TAFA5: variants seen among roughly 807,000 people sequenced by gnomAD.
TAFA5 encodes the protein TAFA chemokine like family member 5.
In TAFA5, 6 loss-of-function variants were observed where a neutral mutation model predicts 15.3. That is an observed-to-expected ratio of 0.39 (90% CI 0.21 to 0.77). The LOEUF (loss-of-function observed/expected upper bound fraction) is 0.77. TAFA5 is among the 30% of genes least tolerant of loss of function. TAFA5 has a pLI of 0.41. For synonymous variants in TAFA5, 103 were observed against 80.7 expected, an observed-to-expected ratio of 1.28 and a Z score of -1.48; for missense variants, 161 against 193.1, an observed-to-expected ratio of 0.83 and a Z score of 0.98.
intron 2 of TAFA5, among the ~76,000 whole-genome samples, chr22:48,648,117 G>T (rs951711813): frequency 6.6e-6 from 1 of 152,196 alleles, no homozygotes; most frequent in Non-Finnish European, 1.5e-5. Context: ...GTGGCATCCT[G>T]CACTGAAACA....
intron 2 of TAFA5, among the ~76,000 whole-genome samples, chr22:48,703,414 G>A (rs984763912): frequency 7.9e-5 from 12 of 152,160 alleles, no homozygotes; most frequent in Admixed American, 2.6e-4. Context: ...GGTCCTTTCC[G>A]TAGACAGCCA....
chr22:48,747,888 C>G (rs938704680), intron 3 of TAFA5, among the ~76,000 whole-genome samples: 8 of 117,666 alleles, frequency 6.8e-5, no homozygotes, highest in African/African-American at 2.6e-4. Flanking sequence ...CAGAGCAAGA[C>G]TCTGTCTAAA....
At chr22:48,697,165 C>T (rs894825475) in intron 2 of TAFA5, among the ~76,000 whole-genome samples, 1 of 152,284 alleles carries the variant, frequency 6.6e-6, no homozygotes, top group African/African-American at 2.4e-5. Flanking sequence ...GCAGTTAGGG[C>T]TTGCTTTATT....
intron 1 of TAFA5, among the ~76,000 whole-genome samples, chr22:48,615,463 G>C (rs951719463): frequency 6.6e-6 from 1 of 152,172 alleles, no homozygotes; most frequent in Non-Finnish European, 1.5e-5. Flanking sequence ...GATGGGCTTC[G>C]CCTAGCTGTG....
chr22:48,707,488 C>T (rs1011704327), intron 2 of TAFA5, among the ~76,000 whole-genome samples: 1 of 152,162 alleles, frequency 6.6e-6, no homozygotes, highest in South Asian at 2.1e-4. Context: ...TGCTGCTCCA[C>T]GACTGGCCGA....
At chr22:48,546,889 G>A in intron 1 of TAFA5, 1 of 252,732 alleles carries the variant, frequency 4.0e-6, no homozygotes, top group Non-Finnish European at 8.0e-6. Flanking sequence ...ACTACCGACT[G>A]TCTTGACTCC....
chr22:48,575,954 GGAGGAA>G (rs1923766711), intron 1 of TAFA5, among the ~76,000 whole-genome samples: 1 of 143,774 alleles, frequency 7.0e-6, no homozygotes, highest in Admixed American at 6.8e-5. Context: ...CGGCGGCGGC[GGAGGAA>G]GAGGAGGAGG....
At chr22:48,749,652 G>A (rs758378096) in intron 3 of TAFA5, among the ~76,000 whole-genome samples, 187 bp from the exon 4 acceptor site, 14 of 152,196 alleles carry the variant, frequency 9.2e-5, no homozygotes, top group Non-Finnish European at 1.6e-4. Flanking sequence ...ACACAAGGAA[G>A]GGTGGGGATT....
intron 1 of TAFA5, among the ~76,000 whole-genome samples, chr22:48,496,507 T>C (rs113057609): frequency 3.2e-4 from 49 of 152,182 alleles, no homozygotes; most frequent in African/African-American, 4.1e-4. Flanking sequence ...AACCCTTCTA[T>C]ACAATGATGT....
chr22:48,747,107 T>G lies in TAFA5; in HGVS notation c.391-2732T>G, dbSNP rs527892126. Among the ~76,000 whole-genome samples the G allele has an allele frequency of 3.3e-3, 497 of 152,276 alleles. 1 individual carries two copies. The highest frequency in any genetic ancestry group is 0.011 in the African/African-American group (475 of 41,564). On this transcript the variant is annotated intron_variant, in intron 3 of 3. Coordinates refer to ENST00000402357, the MANE Select transcript of TAFA5 (RefSeq NM_001082967.3). ...ACTGGAGGCCACCATGGTGTCACCA[T>G]TCCCGCCCGGCCCTGCCCTGCCCTA... is the stretch of plus-strand genomic sequence containing the variant.
At chr22:48,548,384 C>A (rs372710649) in intron 1 of TAFA5, among the ~76,000 whole-genome samples, 3 of 152,356 alleles carry the variant, frequency 2.0e-5, no homozygotes, top group African/African-American at 7.2e-5. Context: ...TGCCTTTTAG[C>A]ATGAGCTTGT....
chr22:48,617,340 A>T (rs1171555958), intron 1 of TAFA5, among the ~76,000 whole-genome samples: 1 of 151,286 alleles, frequency 6.6e-6, no homozygotes, highest in Admixed American at 6.6e-5. Context: ...AAGGGAACAG[A>T]TTCTCCCCAG....
Position 48,489,664 on chromosome 22 carries a change from G to C in TAFA5, c.72G>C (p.Trp24Cys). The C allele has an allele frequency of 6.5e-7, 1 of 1,531,872 alleles. No homozygotes were observed. Among genetic ancestry groups the C allele is most frequent in the Non-Finnish European group, 8.8e-7 (1 of 1,139,726 alleles). 94.9% of individuals were successfully genotyped at this position (1,531,872 alleles called of 1,614,324 possible). A position where few individuals can be genotyped will look rare whatever the true frequency, so the allele number is the denominator to read the frequency against. Residue 24 changes from tryptophan to cysteine, a missense_variant, in exon 1 of 4, where the codon TGG becomes TGC. Trp to Cys is a radical substitution (Grantham distance 215, BLOSUM62 -2). Transcript: ENST00000402357. This position sits in a 1 kb window ranked among gnomAD's most constrained non-coding sequence, Gnocchi z 5.5. ...TGCCCAGCATGTCCTCAACTTTCTGGGCGTTCATGATCCTGGCCAGCCTGC... is the reference window on the plus strand; with the variant it reads ...TGCCCAGCATGTCCTCAACTTTCTGCGCGTTCATGATCCTGGCCAGCCTGC... ...TALPSMSSTF[W>C]AFMILASLLI...
Position 48,635,502 on chromosome 22 carries a change from T to C in TAFA5, c.113-11095T>C, listed in dbSNP as rs1339101614. Among the ~76,000 whole-genome samples the C allele has an allele frequency of 2.0e-5, 3 of 152,240 alleles. No homozygotes were observed. In the East Asian group the frequency reaches 5.8e-4, roughly 29 times the overall value. On this transcript the variant is annotated intron_variant, in intron 1 of 3. Coordinates refer to ENST00000402357, the MANE Select transcript of TAFA5 (RefSeq NM_001082967.3). The stretch of plus-strand genomic sequence containing the variant: ...GCAGCTCCTCCTCCGTGAGGGTGTC[T>C]GTCTTCCCAGGCGTCACTGCGCAGC...
chr22:48,534,410 C>A (rs934994860), intron 1 of TAFA5, among the ~76,000 whole-genome samples: 3 of 152,062 alleles, frequency 2.0e-5, no homozygotes, highest in Non-Finnish European at 4.4e-5. Context: ...GCAGAGGACT[C>A]CCACGGGGGT....
intron 1 of TAFA5, among the ~76,000 whole-genome samples, chr22:48,568,499 C>G (rs1249816650): frequency 6.6e-6 from 1 of 152,212 alleles, no homozygotes; most frequent in Non-Finnish European, 1.5e-5. Context: ...GGACATCTCT[C>G]GGAGATCCCC....
chr22:48,678,375 G>A (rs780127031), intron 2 of TAFA5, among the ~76,000 whole-genome samples: 32 of 152,336 alleles, frequency 2.1e-4, no homozygotes, highest in South Asian at 1.2e-3. Flanking sequence ...CTGACCCTAT[G>A]CGGGGCAAAG....
intron 2 of TAFA5, among the ~76,000 whole-genome samples, chr22:48,656,830 T>C (rs1207116069): frequency 7.0e-6 from 1 of 142,368 alleles, no homozygotes; most frequent in Non-Finnish European, 1.5e-5. Context: ...AGTGGTGTGA[T>C]CTCAGCTCTC....
intron 1 of TAFA5, among the ~76,000 whole-genome samples, chr22:48,605,739 C>G (rs967271981): frequency 9.9e-5 from 15 of 152,126 alleles, no homozygotes; most frequent in Non-Finnish European, 2.2e-4. Flanking sequence ...GGGCTTTGCC[C>G]CTCTCACCCT....
Sources: allele counts gnomAD v4.1 joint callset (sites outside exome capture counted in the v4.1 genomes callset), GRCh38; gene constraint gnomAD v4.1.1; non-coding constraint Gnocchi (gnomAD v3.1); transcripts MANE v1.5; gene names NCBI Gene and HGNC (gene_info 2026-07-23, HGNC 2026-07-21).